The following LAMB1 variants were observed in gnomAD, a reference collection of about 807,000 sequenced individuals.
LAMB1 encodes laminin subunit beta-1.
A neutral mutation model predicts 222.3 loss-of-function variants in LAMB1; 121 were observed. That is an observed-to-expected ratio of 0.54 (90% CI 0.47 to 0.63). The LOEUF (loss-of-function observed/expected upper bound fraction) is 0.63. Among genes scored for constraint, LAMB1 ranks in the 30% least tolerant of loss-of-function variants. LAMB1 has a pLI of 0.00. For synonymous variants in LAMB1, 794 were observed against 807.2 expected (o/e 0.98, Z 0.28); for missense variants, 2,172 against 2,240.8 (o/e 0.97, Z 0.62).
At chr7:107,980,860 G>GTTT (rs76389339) in intron 7 of LAMB1, 49 bp from the exon 8 acceptor site, 24 of 917,158 alleles carry the variant, frequency 2.6e-5, no homozygotes, top group Non-Finnish European at 3.4e-5. Context: ...CAAGCAAGAA[G>GTTT]TTTTTTTTTT....
chr7:107,990,188 G>A (rs2034156350), intron 5 of LAMB1, among the ~76,000 whole-genome samples: 2 of 152,018 alleles, frequency 1.3e-5, no homozygotes, highest in African/African-American at 4.8e-5. Flanking sequence ...ACAGGCGTGT[G>A]CCACCATGCC....
In LAMB1 at chr7:107,964,503, A is replaced by G. The variant is rs754735705; in HGVS notation, c.1698+49T>C. ...CTTTACAAAGCATGTATGTTCCACT[A>G]CACCCCAAAACACTGCTTTACCGAC... On this transcript the variant is annotated intron_variant, in intron 14 of 33. Coordinates refer to ENST00000222399, the MANE Select transcript of LAMB1 (RefSeq NM_002291.3). 17 of 1,610,428 alleles carry G rather than the reference A, an allele frequency of 1.1e-5. No individual in the cohort carries two copies. The East Asian group carries it at 3.1e-4, about 30-fold the overall frequency.
intron 13 of LAMB1, among the ~76,000 whole-genome samples, chr7:107,966,580 C>T (rs2033641983): frequency 6.6e-6 from 1 of 152,158 alleles, no homozygotes; most frequent in Non-Finnish European, 1.5e-5. Context: ...AGGACCTAGC[C>T]TTCTTTTGGC....
chr7:107,984,040 T>C (rs1291355508), intron 7 of LAMB1, among the ~76,000 whole-genome samples: 2 of 152,286 alleles, frequency 1.3e-5, no homozygotes, highest in South Asian at 2.1e-4. Context: ...CCTCATTTTA[T>C]TGAGTATATT....
intron 32 of LAMB1, among the ~76,000 whole-genome samples, chr7:107,925,738 A>AGAGAT (rs1284123310): frequency 1.3e-5 from 2 of 152,126 alleles, no homozygotes; most frequent in South Asian, 2.1e-4. Flanking sequence ...TGAGTCTCAA[A>AGAGAT]GAGATAAGAT....
intron 9 of LAMB1, among the ~76,000 whole-genome samples, chr7:107,977,103 T>TCCTTCCTTCCTTTCCTC (rs2033882477): frequency 1.4e-5 from 2 of 146,988 alleles, no homozygotes; most frequent in African/African-American, 2.5e-5. Flanking sequence ...TTTCCTCCCC[T>TCCTTCCTTCCTTTCCTC]TCCCTTCCTC....
chr7:107,929,056 A>C lies in LAMB1; in HGVS notation c.4887+8T>G, dbSNP rs1231675137. 3 of 1,613,258 alleles carry C rather than the reference A, an allele frequency of 1.9e-6. No individual in the cohort carries two copies. Among genetic ancestry groups the C allele is most frequent in the South Asian group, 2.2e-5 (2 of 91,064 alleles). ...GTTCCCATTCATGTAATGATTGTGT[A>C]TGCCTACCGAAGTTAACAGGTTCTG... On this transcript the variant is annotated splice_region_variant and intron_variant, in intron 31 of 33. Transcript: ENST00000222399.
Position 107,959,731 on chromosome 7 carries a change from A to G in LAMB1, c.2418T>C (p.Cys806=), listed in dbSNP as rs767173629. 11 of 1,614,226 alleles carry G rather than the reference A, an allele frequency of 6.8e-6. No individual in the cohort carries two copies. The highest frequency in any genetic ancestry group is 2.2e-5 in the East Asian group (1 of 44,880). The part of the protein sequence containing the change: ...PNVVGRTCNR[C]APGTFGFGPS... Reference sequence around the variant, plus strand: ...GGCCAAAGCCAAAAGTTCCAGGTGCACATCTGTTGCAGGTTCTTCCAACCA... The same window carrying G: ...GGCCAAAGCCAAAAGTTCCAGGTGCGCATCTGTTGCAGGTTCTTCCAACCA... The change falls in exon 19 of 34, where the codon TGT becomes TGC. Residue 806 remains cysteine (C), a synonymous_variant. Transcript: ENST00000222399.
At chr7:107,965,981 T>C (rs1202820814) in intron 13 of LAMB1, among the ~76,000 whole-genome samples, 1 of 150,860 alleles carries the variant, frequency 6.6e-6, no homozygotes, top group Non-Finnish European at 1.5e-5. Flanking sequence ...ACCTGTAATC[T>C]CAGCTACTCG....
chr7:108,001,957 A>G, intron 2 of LAMB1: 1 of 1,451,232 alleles, frequency 6.9e-7, no homozygotes, highest in East Asian at 2.5e-5. Context: ...ACACGTCATC[A>G]GGTCTGTCCA....
In LAMB1 at chr7:107,975,719, T is replaced by C. The variant is rs1024430508; in HGVS notation, c.1159A>G (p.Arg387Gly). ...CKPFYYQHPE[R>G]DIRDPNFCER... is the part of the protein sequence containing the mutation. ...CAGAAATTAGGATCTCGGATGTCCC[T>C]CTCTGGGTGCTGGTAGTAAAACGGC... Residue 387 changes from arginine (R) to glycine (G), a missense_variant, in exon 10 of 34, where the codon AGG (arginine) becomes GGG (glycine). Transcript: ENST00000222399. 3.1e-6 allele frequency: 5 copies of C among 1,613,116 alleles called. No individual in the cohort carries two copies. The highest frequency in any genetic ancestry group is 4.2e-6 in the Non-Finnish European group (5 of 1,179,506).
In LAMB1 at chr7:107,998,509, G is replaced by A. The variant is rs1230447687; in HGVS notation, c.214-17C>T. ...TTTGTCCTCCTACAAACAAAGTTGA[G>A]TTCATCAGTCTAGAAAGCAATCTCA... On this transcript the variant is annotated splice_polypyrimidine_tract_variant and intron_variant, in intron 3 of 33. Coordinates refer to ENST00000222399, the MANE Select transcript of LAMB1 (RefSeq NM_002291.3). 1.9e-6 allele frequency: 3 copies of A among 1,610,436 alleles called. No homozygotes were observed. The highest frequency in any genetic ancestry group is 2.7e-5 in the African/African-American group (2 of 74,908).
chr7:107,963,314 A>C (rs1336963035), intron 14 of LAMB1, among the ~76,000 whole-genome samples: 2 of 152,180 alleles, frequency 1.3e-5, no homozygotes, highest in Non-Finnish European at 2.9e-5. Context: ...CTTGGGATAT[A>C]CCTTATTTGA....
At chr7:107,956,159 A>G (rs1164960544) in intron 20 of LAMB1, among the ~76,000 whole-genome samples, 1 of 151,854 alleles carries the variant, frequency 6.6e-6, no homozygotes, top group African/African-American at 2.4e-5. Context: ...AGCCTCCCAA[A>G]GTGCTGGGAT....
intron 24 of LAMB1, among the ~76,000 whole-genome samples, chr7:107,949,872 A>G (rs1012039904): frequency 1.3e-5 from 2 of 152,188 alleles, no homozygotes; most frequent in African/African-American, 2.4e-5. Context: ...TGAGTTGCCA[A>G]CTTGAAGATC....
At position 107,953,656 on chromosome 7, in the gene LAMB1, T is replaced by C; in HGVS notation, c.2953A>G (p.Thr985Ala). 1 of 1,614,166 alleles carries C rather than the reference T, an allele frequency of 6.2e-7. No individual in the cohort carries two copies. Among genetic ancestry groups the C allele is most frequent in the Non-Finnish European group, 8.5e-7 (1 of 1,180,012 alleles). Residue 985 changes from threonine to alanine, a missense_variant, in exon 22 of 34, where the codon ACA becomes GCA. Physicochemically the swap from Thr to Ala is moderately conservative, Grantham distance 58. Transcript: ENST00000222399. ...PCQCHNNIDT[T>A]DPEACDKETG... ...TCCTTGTCACAGGCTTCTGGGTCTG[T>C]CGTGTCAATGTTGTTGTGACACTGG...
In LAMB1 at chr7:107,964,717, A is replaced by G. The variant is rs564599938; in HGVS notation, c.1563-30T>C. 2.2e-5 allele frequency: 36 copies of G among 1,613,192 alleles called. No individual in the cohort carries two copies. The Admixed American group carries it at 5.7e-4, about 25-fold the overall frequency. ...AAGGGAGGAGGAGCCACATCAGCTGAGTTCATGGTCACGCGAGTCAACCCG... is the reference window on the plus strand; with the variant it reads ...AAGGGAGGAGGAGCCACATCAGCTGGGTTCATGGTCACGCGAGTCAACCCG... On this transcript the variant is annotated intron_variant, in intron 13 of 33. Transcript: ENST00000222399.
chr7:107,970,834 C>G (rs901032284), intron 13 of LAMB1, among the ~76,000 whole-genome samples: 2 of 151,752 alleles, frequency 1.3e-5, no homozygotes, highest in African/African-American at 4.8e-5. Context: ...TAGGTTCAAG[C>G]GATTCTCCCT....
At chr7:107,962,534 C>T (rs901694425) in intron 15 of LAMB1, among the ~76,000 whole-genome samples, 16 of 151,994 alleles carry the variant, frequency 1.1e-4, no homozygotes, top group African/African-American at 3.4e-4. Flanking sequence ...GCCAACATGG[C>T]GAAACCCCGT....
Sources: gnomAD v4.1 joint callset for allele counts (sites outside exome capture counted in the v4.1 genomes callset) on GRCh38, gnomAD v4.1.1 for gene constraint, MANE v1.5 for transcripts, NCBI Gene and HGNC (gene_info 2026-07-23, HGNC 2026-07-21) for gene names.